RAP1GAP: variants seen among roughly 807,000 people sequenced by gnomAD.
RAP1GAP encodes RAP1 GTPase activating protein, also known as rap1 GTPase-activating protein 1.
Under a neutral mutation model 87.2 loss-of-function variants are expected in RAP1GAP, and 35 were observed. The observed-to-expected ratio is 0.40, with a 90% CI of 0.31 to 0.53. The LOEUF is 0.53. Among genes scored for constraint, RAP1GAP ranks in the 20% least tolerant of loss-of-function variants. The probability of loss-of-function intolerance (pLI) is 0.48; values close to 1 mark genes in which losing one functional copy is unlikely to be tolerated. For missense variants in RAP1GAP, 734 were observed against 898.9 expected (o/e 0.82, Z 2.35); for synonymous variants, 375 against 363.9 (o/e 1.03, Z -0.35).
rs932265606 is a variant in RAP1GAP at position 21,622,773 on chromosome 1, C to G, written c.-18-2723G>C. On this transcript the variant is annotated intron_variant, in intron 3 of 24. Transcript: ENST00000374765. This position sits in a 1 kb window ranked among gnomAD's most constrained non-coding sequence, Gnocchi z 5.7. The stretch of plus-strand genomic sequence containing the variant: ...CCCACTCGGTTCTCCCCAGCGCGCC[C>G]CCACCTCACTTTCTCCATCTTCCCA... The G allele has an allele frequency of 2.0e-5, 3 of 152,074 alleles. No homozygotes were observed. The highest frequency in any genetic ancestry group is 4.4e-5 in the Non-Finnish European group (3 of 68,016). 9.4% of individuals were successfully genotyped at this position (152,074 alleles called of 1,614,324 possible).
intron 1 of RAP1GAP, among the ~76,000 whole-genome samples, chr1:21,665,984 G>C (rs1031669257): frequency 7.2e-5 from 11 of 152,238 alleles, no homozygotes; most frequent in Non-Finnish European, 1.2e-4. Context: ...CTGCCTCCCA[G>C]AGCTGGAGCT....
chr1:21,607,201 T>G (rs1409268626), intron 17 of RAP1GAP, among the ~76,000 whole-genome samples: 2 of 152,212 alleles, frequency 1.3e-5, no homozygotes, highest in Admixed American at 6.5e-5. Context: ...TGGGGCCCTG[T>G]GGCCTGAGTG....
intron 2 of RAP1GAP, among the ~76,000 whole-genome samples, chr1:21,627,182 A>G (rs890200445): frequency 6.6e-6 from 1 of 152,216 alleles, no homozygotes; most frequent in African/African-American, 2.4e-5. Flanking sequence ...GGGGCTGGGC[A>G]AGCAGGCCTG....
At chr1:21,662,483 C>T (rs6693446) in intron 1 of RAP1GAP, among the ~76,000 whole-genome samples, 19,301 of 152,026 alleles carry the variant, frequency 0.13, 1,366 homozygotes, top group African/African-American at 0.15. Flanking sequence ...ACTGTGTGTC[C>T]ACAGGAACCC....
chr1:21,609,577 T>G lies in RAP1GAP; in HGVS notation c.1069A>C (p.Lys357Gln), dbSNP rs1225871563. The G allele has an allele frequency of 1.3e-6, 2 of 1,553,582 alleles. No homozygotes were observed. Among genetic ancestry groups the G allele is most frequent in the Non-Finnish European group, 1.7e-6 (2 of 1,147,956 alleles). Residue 357 changes from lysine to glutamine, a missense_variant and splice_region_variant, in exon 15 of 25, where the codon AAG becomes CAG. Transcript: ENST00000374765. The surrounding 1 kb of genome is among the most constrained non-coding windows in gnomAD (Gnocchi z 4.4). Reference protein sequence around the residue: ...PPLPDPAVFRKGPEFQEFLLT... With the variant: ...PPLPDPAVFRQGPEFQEFLLT... ...ATGACTGGGGGGGTGCCCCTCACCT[T>G]CCTGAACACAGCGGGGTCCGGGAGG...
chr1:21,666,981 G>A (rs2097375283), intron 1 of RAP1GAP, among the ~76,000 whole-genome samples: 2 of 152,184 alleles, frequency 1.3e-5, no homozygotes, highest in African/African-American at 2.4e-5. Context: ...AGGCAGAGTC[G>A]GGGGCAGGGG....
chr1:21,628,536 A>G (rs890894335), intron 2 of RAP1GAP, among the ~76,000 whole-genome samples: 2 of 152,012 alleles, frequency 1.3e-5, no homozygotes, highest in Non-Finnish European at 2.9e-5. Context: ...CCTGGCCAAC[A>G]TGGTGAAACC....
At chr1:21,612,326 G>A (rs1037737962) in intron 10 of RAP1GAP, among the ~76,000 whole-genome samples, 1 of 152,148 alleles carries the variant, frequency 6.6e-6, no homozygotes, top group Non-Finnish European at 1.5e-5. Context: ...GCAAGCACAT[G>A]CAGGCTTGGG....
intron 2 of RAP1GAP, among the ~76,000 whole-genome samples, chr1:21,635,231 C>T (rs1469479456): frequency 1.3e-5 from 2 of 152,174 alleles, no homozygotes; most frequent in African/African-American, 4.8e-5. Context: ...CATGGTATTA[C>T]AGCCGCCTAT....
At chr1:21,618,945 G>A (rs2084406717) in intron 5 of RAP1GAP, 80 bp downstream of exon 5, 1 of 1,430,038 alleles carries the variant, frequency 7.0e-7, no homozygotes, top group African/African-American at 1.4e-5. Flanking sequence ...TGGATTTCCT[G>A]CTTGATGGGC....
intron 1 of RAP1GAP, among the ~76,000 whole-genome samples, chr1:21,653,593 TCCC>T (rs1397469286): frequency 4.7e-4 from 38 of 80,928 alleles, no homozygotes; most frequent in Admixed American, 3.8e-3. Flanking sequence ...CCTTCCTTCC[TCCC>T]TCCCTCCCTC....
At chr1:21,627,409 C>CTTCTT (rs1553464079) in intron 2 of RAP1GAP, among the ~76,000 whole-genome samples, 4 of 125,240 alleles carry the variant, frequency 3.2e-5, no homozygotes, top group East Asian at 2.1e-4. Context: ...CTCCCTTCTT[C>CTTCTT]TTTTTTTTTT....
intron 12 of RAP1GAP, 45 bp from the exon 13 acceptor site, chr1:21,611,626 C>G: frequency 6.2e-7 from 1 of 1,613,736 alleles, no homozygotes; most frequent in East Asian, 2.2e-5. Flanking sequence ...CCAGCCCTGG[C>G]CAGGCCTCCA....
At chr1:21,636,370 C>T (rs2094663059) in intron 2 of RAP1GAP, among the ~76,000 whole-genome samples, 1 of 152,246 alleles carries the variant, frequency 6.6e-6, no homozygotes, top group African/African-American at 2.4e-5. Context: ...AAGTGCTTAA[C>T]ATTCACCATG....
At chr1:21,664,216 G>C (rs1347253988) in intron 1 of RAP1GAP, among the ~76,000 whole-genome samples, 1 of 152,132 alleles carries the variant, frequency 6.6e-6, no homozygotes, top group Non-Finnish European at 1.5e-5. Flanking sequence ...CCTGCCCCTG[G>C]GATGGAAGAG....
intron 1 of RAP1GAP, among the ~76,000 whole-genome samples, chr1:21,659,628 C>A (rs1207002218): frequency 6.6e-6 from 1 of 152,004 alleles, no homozygotes; most frequent in Non-Finnish European, 1.5e-5. Context: ...GTGATCCTGA[C>A]AACAGCCCCG....
At chr1:21,601,213 T>C (rs548513656) in intron 20 of RAP1GAP, among the ~76,000 whole-genome samples, 1 of 152,190 alleles carries the variant, frequency 6.6e-6, no homozygotes, top group South Asian at 2.1e-4. Flanking sequence ...TTTCTGTCCC[T>C]GGAGTGTGCC....
intron 23 of RAP1GAP, 108 bp downstream of exon 23, chr1:21,597,853 G>A (rs1258363214): frequency 1.9e-5 from 28 of 1,496,288 alleles, no homozygotes; most frequent in Middle Eastern, 2.2e-4. Flanking sequence ...CTGGCCTAGC[G>A]GGGCCTAGGG....
intron 2 of RAP1GAP, among the ~76,000 whole-genome samples, chr1:21,628,125 T>G (rs552976953): frequency 6.6e-6 from 1 of 152,244 alleles, no homozygotes; most frequent in East Asian, 1.9e-4. Flanking sequence ...AATGAATGAA[T>G]GAAGGTTGGG....
Sources: allele counts gnomAD v4.1 joint callset (sites outside exome capture counted in the v4.1 genomes callset), GRCh38; gene constraint gnomAD v4.1.1; non-coding constraint Gnocchi (gnomAD v3.1); transcripts MANE v1.5; gene names NCBI Gene and HGNC (gene_info 2026-07-23, HGNC 2026-07-21).